UBE3A: variants seen among roughly 807,000 people sequenced by gnomAD.
UBE3A encodes ubiquitin-protein ligase E3A.
UBE3A carries 6 observed loss-of-function variants against 83.4 expected under a neutral mutation model. That is an observed-to-expected ratio of 0.07 (90% CI 0.04 to 0.14). The LOEUF is 0.14. UBE3A is among the 10% of genes least tolerant of loss of function. UBE3A has a pLI of 1.00. For synonymous variants in UBE3A, 337 were observed against 355.4 expected (o/e 0.95, Z 0.58); for missense variants, 456 against 1,036.1 (o/e 0.44, Z 7.69).
chr15:25,364,098 C>T (rs1167608437), intron 6 of UBE3A, among the ~76,000 whole-genome samples: 1 of 148,368 alleles, frequency 6.7e-6, no homozygotes, highest in Non-Finnish European at 1.5e-5. Context: ...TGGTGGCATG[C>T]GCCTGTCATC....
Position 25,370,359 on chromosome 15 carries a change from C to CATT in UBE3A, c.1608+204_1608+206dup, listed in dbSNP as rs1209538105. 6.6e-6 allele frequency among the ~76,000 whole-genome samples: 1 copy of CATT among 152,102 alleles called. No individual in the cohort carries two copies. The highest frequency in any genetic ancestry group is 1.5e-5 in the Non-Finnish European group (1 of 68,026). ...CATTCTTTTTCAAAGATAGCATGAC[C>CATT]ATTATATAATACAACCGATACTTTG... On this transcript the variant is annotated intron_variant, in intron 6 of 12. Coordinates refer to ENST00000648336, the MANE Select transcript of UBE3A (RefSeq NM_130839.5). The surrounding 1 kb of genome is among the most constrained non-coding windows in gnomAD (Gnocchi z 4.2).
chr15:25,412,663 G>C (rs541210327), intron 1 of UBE3A, among the ~76,000 whole-genome samples: 2 of 151,614 alleles, frequency 1.3e-5, no homozygotes, highest in East Asian at 3.9e-4. Context: ...TTCCTCAATG[G>C]AACAAAAATA....
intron 4 of UBE3A, among the ~76,000 whole-genome samples, chr15:25,381,219 C>T (rs2082113525): frequency 6.6e-6 from 1 of 151,948 alleles, no homozygotes; most frequent in African/African-American, 2.4e-5. Flanking sequence ...TTTTTAGTTC[C>T]CACATATCAG....
chr15:25,412,336 C>T (rs1353132489), intron 1 of UBE3A, among the ~76,000 whole-genome samples: 3 of 152,174 alleles, frequency 2.0e-5, no homozygotes, highest in Non-Finnish European at 4.4e-5. Flanking sequence ...TAATTAAATT[C>T]TATATGCTAA....
intron 4 of UBE3A, among the ~76,000 whole-genome samples, chr15:25,391,357 G>T (rs2084339667): frequency 6.6e-6 from 1 of 152,198 alleles, no homozygotes; most frequent in African/African-American, 2.4e-5. Context: ...GGGAAAAGAA[G>T]AGTTGTTCAA....
intron 1 of UBE3A, among the ~76,000 whole-genome samples, chr15:25,436,904 T>C (rs1469961681): frequency 2.0e-5 from 3 of 152,190 alleles, no homozygotes; most frequent in Non-Finnish European, 1.5e-5. Context: ...ATAGTGAGCA[T>C]ACTACTTAGC....
intron 1 of UBE3A, among the ~76,000 whole-genome samples, chr15:25,437,447 G>A (rs1374224039): frequency 2.6e-5 from 4 of 151,964 alleles, no homozygotes; most frequent in African/African-American, 7.3e-5. Context: ...ACTTTAGGTC[G>A]TCTCCCAAAA....
chr15:25,401,313 C>T (rs1200735621), intron 4 of UBE3A, among the ~76,000 whole-genome samples: 1 of 152,154 alleles, frequency 6.6e-6, no homozygotes, highest in Non-Finnish European at 1.5e-5. Context: ...TAATGCTCAT[C>T]TCCCAAAATG....
At chr15:25,360,181 A>C (rs1223328472) in intron 7 of UBE3A, among the ~76,000 whole-genome samples, 2 of 152,256 alleles carry the variant, frequency 1.3e-5, no homozygotes, top group East Asian at 3.8e-4. Flanking sequence ...TCCTTCTAAG[A>C]AATAAAAGAA....
At chr15:25,416,683 CAA>C (rs1887023364) in intron 1 of UBE3A, among the ~76,000 whole-genome samples, 1 of 148,278 alleles carries the variant, frequency 6.7e-6, no homozygotes, top group Non-Finnish European at 1.5e-5. Context: ...TAGCATTAGA[CAA>C]AGAGGTAAGC....
chr15:25,409,189 G>C lies in UBE3A; in HGVS notation c.-82C>G, dbSNP rs1200059824. On this transcript the variant is annotated 5_prime_UTR_variant, in exon 3 of 13. Transcript: ENST00000648336. ...ACCAGTCTAGCTGCTACCTTGATCT[G>C]AGCGTAGGCTTAATAACTCTAATAA... 4 of 1,354,776 alleles carry C rather than the reference G, an allele frequency of 3.0e-6. No homozygotes were observed. Among genetic ancestry groups the C allele is most frequent in the Admixed American group, 3.8e-5 (2 of 52,100 alleles). The allele number at this position is 1,354,776 out of a possible 1,614,324, so 83.9% of individuals were successfully genotyped here.
chr15:25,398,765 T>C lies in UBE3A; in HGVS notation c.62+6696A>G, dbSNP rs867201135. On this transcript the variant is annotated intron_variant, in intron 4 of 12. Transcript: ENST00000648336. Reference sequence around the variant, plus strand: ...TCTCTTCAGCGCACTGATTTTATTCTTTTATTTATATATATATATATATAT... The same window carrying C: ...TCTCTTCAGCGCACTGATTTTATTCCTTTATTTATATATATATATATATAT... Among the ~76,000 whole-genome samples the C allele has an allele frequency of 9.7e-5, 8 of 82,772 alleles. No homozygotes were observed. The South Asian group carries it at 3.6e-3, about 37-fold the overall frequency. 54.3% of individuals were successfully genotyped at this position (82,772 alleles called of 152,430 possible). A position where few individuals can be genotyped will look rare whatever the true frequency, so the allele number is the denominator to read the frequency against.
In UBE3A at chr15:25,408,492, A is replaced by G. The variant is rs2089233860; in HGVS notation, c.20+596T>C. ...AAACAATAACCAAATAACATTGGAT[A>G]ATAAAATGTAAATCTCAGAATGAGA... is the stretch of plus-strand genomic sequence containing the variant. On this transcript the variant is annotated intron_variant, in intron 3 of 12. Coordinates refer to ENST00000648336, the MANE Select transcript of UBE3A (RefSeq NM_130839.5). 1.7e-5 allele frequency: 21 copies of G among 1,248,118 alleles called. No homozygotes were observed. The South Asian group carries it at 2.5e-4, about 15-fold the overall frequency. 77.3% of individuals were successfully genotyped at this position (1,248,118 alleles called of 1,614,324 possible).
intron 1 of UBE3A, chr15:25,413,055 T>C (rs1156464708): frequency 2.2e-6 from 1 of 451,356 alleles, no homozygotes; most frequent in Admixed American, 2.4e-5. Context: ...TTCCAAATTA[T>C]GAGTTAGGAA....
chr15:25,427,624 A>C (rs554803242), intron 1 of UBE3A, among the ~76,000 whole-genome samples: 176 of 147,152 alleles, frequency 1.2e-3, no homozygotes, highest in African/African-American at 4.2e-3. Context: ...AAAAAAAAAA[A>C]AAAAAAACCC....
chr15:25,371,939 T>C lies in UBE3A; in HGVS notation c.362-127A>G. ...CAATATCATTTATGATATACAACTCTTAAAGTATCTAATACTTAGATTCAG... is the reference window on the plus strand; with the variant it reads ...CAATATCATTTATGATATACAACTCCTAAAGTATCTAATACTTAGATTCAG... On this transcript the variant is annotated intron_variant, in intron 5 of 12. Coordinates refer to ENST00000648336, the MANE Select transcript of UBE3A (RefSeq NM_130839.5). The surrounding 1 kb of genome is among the most constrained non-coding windows in gnomAD (Gnocchi z 5.3). 1.0e-6 allele frequency: 1 copy of C among 957,732 alleles called. No individual in the cohort carries two copies. The highest frequency in any genetic ancestry group is 1.5e-6 in the Non-Finnish European group (1 of 661,466). The allele number at this position is 957,732 out of a possible 1,614,324, so 59.3% of individuals were successfully genotyped here. A position where few individuals can be genotyped will look rare whatever the true frequency, so the allele number is the denominator to read the frequency against.
At chr15:25,425,956 A>G (rs1891193145) in intron 1 of UBE3A, among the ~76,000 whole-genome samples, 1 of 152,174 alleles carries the variant, frequency 6.6e-6, no homozygotes, top group African/African-American at 2.4e-5. Context: ...CAACACATCC[A>G]CTGTGCACTG....
At chr15:25,407,353 G>A (rs2088861284) in intron 3 of UBE3A, 1 of 849,650 alleles carries the variant, frequency 1.2e-6, no homozygotes, top group African/African-American at 1.9e-5. Flanking sequence ...GGGAAAAAAT[G>A]AGGACATGAT....
chr15:25,409,550 C>CG (rs1166759554), intron 2 of UBE3A: 2 of 153,038 alleles, frequency 1.3e-5, no homozygotes, highest in African/African-American at 4.8e-5. Flanking sequence ...AAGCAGCCTC[C>CG]GAGTGATTAA....
Sources: allele counts gnomAD v4.1 joint callset (sites outside exome capture counted in the v4.1 genomes callset), GRCh38; gene constraint gnomAD v4.1.1; non-coding constraint Gnocchi (gnomAD v3.1); transcripts MANE v1.5; gene names NCBI Gene and HGNC (gene_info 2026-07-23, HGNC 2026-07-21).